MCCC1: variants seen among roughly 807,000 people sequenced by gnomAD.
MCCC1 encodes methylcrotonoyl-CoA carboxylase subunit alpha, mitochondrial.
MCCC1 carries 64 observed loss-of-function variants against 83.8 expected under a neutral mutation model. That is an observed-to-expected ratio of 0.76 (90% CI 0.62 to 0.94). The LOEUF (loss-of-function observed/expected upper bound fraction) is 0.94, where lower values mean the gene tolerates loss of function less well. Ranked by LOEUF, MCCC1 falls within the 40% of genes least tolerant of loss-of-function variation. The probability of loss-of-function intolerance (pLI) is 0.00; values close to 1 mark genes in which losing one functional copy is unlikely to be tolerated. For missense variants in MCCC1, 807 were observed against 904.7 expected, an observed-to-expected ratio of 0.89 and a Z score of 1.39; for synonymous variants, 322 against 315.4, an observed-to-expected ratio of 1.02 and a Z score of -0.22.
At chr3:183,024,221 GC>G (rs1712395866) in intron 15 of MCCC1, among the ~76,000 whole-genome samples, 1 of 151,994 alleles carries the variant, frequency 6.6e-6, no homozygotes, top group Non-Finnish European at 1.5e-5. Context: ...TTGCACTCCA[GC>G]CTGGGTGACA....
At chr3:183,050,603 G>T (rs1392609831) in intron 9 of MCCC1, among the ~76,000 whole-genome samples, 1 of 151,614 alleles carries the variant, frequency 6.6e-6, no homozygotes, top group Non-Finnish European at 1.5e-5. Context: ...CTACTCAGGG[G>T]GCTGGGACAG....
chr3:183,077,440 T>C (rs1004621554), intron 4 of MCCC1, among the ~76,000 whole-genome samples: 4 of 152,196 alleles, frequency 2.6e-5, no homozygotes, highest in Admixed American at 6.5e-5. Context: ...CTAGTGAGTA[T>C]GAAGTGGTAT....
chr3:183,054,656 C>G (rs4859269), intron 8 of MCCC1, among the ~76,000 whole-genome samples: 136,329 of 152,228 alleles, frequency 0.9, 61,429 homozygotes, highest in East Asian at 1. Flanking sequence ...TTAATTGGCT[C>G]TAAGTATACA....
intron 8 of MCCC1, among the ~76,000 whole-genome samples, chr3:183,055,589 AT>A (rs746493228): frequency 5.5e-4 from 83 of 152,076 alleles, no homozygotes; most frequent in Non-Finnish European, 1.0e-3. Context: ...TCATAACTAT[AT>A]GTCCACTTAT....
Position 183,094,556 on chromosome 3 carries a change from T to C in MCCC1, c.136+3A>G. The C allele has an allele frequency of 6.2e-7, 1 of 1,614,144 alleles. No homozygotes were observed. Among genetic ancestry groups the C allele is most frequent in the Non-Finnish European group, 8.5e-7 (1 of 1,179,966 alleles). On this transcript the variant is annotated splice_donor_region_variant and intron_variant, in intron 2 of 18. Coordinates refer to ENST00000265594, the MANE Select transcript of MCCC1 (RefSeq NM_020166.5). ...CAAATAGAACAACAAAGTCTGTCAG[T>C]ACCTGTGGCTGTTGTGTACTTCATG... is the stretch of plus-strand genomic sequence containing the variant.
intron 7 of MCCC1, 78 bp downstream of exon 7, chr3:183,070,921 A>G (rs1008448320): frequency 1.2e-5 from 18 of 1,470,062 alleles, no homozygotes; most frequent in Non-Finnish European, 1.6e-5. Context: ...CTACAGTTTT[A>G]TATTTTATAG....
chr3:183,081,117 A>G (rs1717460609), intron 4 of MCCC1, among the ~76,000 whole-genome samples: 2 of 152,260 alleles, frequency 1.3e-5, no homozygotes, highest in African/African-American at 2.4e-5. Flanking sequence ...AACAGCCTTA[A>G]GAAGTTTAAC....
At chr3:183,102,232 G>A (rs796717642), upstream of MCCC1, among the ~76,000 whole-genome samples, 35 of 152,194 alleles carry the variant, frequency 2.3e-4, no homozygotes, top group African/African-American at 7.7e-4. Flanking sequence ...TGGGCGTAAT[G>A]ATGCACACTT....
intron 1 of MCCC1, among the ~76,000 whole-genome samples, chr3:183,110,895 A>C (rs1355154498): frequency 6.6e-6 from 1 of 152,074 alleles, no homozygotes; most frequent in East Asian, 1.9e-4. Context: ...TTGAATAGGG[A>C]GTCCTTTCCC....
At chr3:183,065,551 A>C (rs1344409155) in intron 7 of MCCC1, among the ~76,000 whole-genome samples, 1 of 152,090 alleles carries the variant, frequency 6.6e-6, no homozygotes. Context: ...AAGGAAAGTG[A>C]AATGCGTTTT....
intron 1 of MCCC1, among the ~76,000 whole-genome samples, chr3:183,112,794 G>C (rs538986259): frequency 2.6e-5 from 4 of 152,138 alleles, no homozygotes; most frequent in African/African-American, 7.2e-5. Context: ...TCCTTTGAAG[G>C]CTGGGCGCAT....
At chr3:183,040,556 CA>C (rs59767617) in intron 11 of MCCC1, among the ~76,000 whole-genome samples, 128 of 112,578 alleles carry the variant, frequency 1.1e-3, no homozygotes, top group Middle Eastern at 4.8e-3. Flanking sequence ...ACTAAAAATA[CA>C]AAAAAAAAAA....
chr3:183,113,340 TCTCA>T (rs2108588169), intron 1 of MCCC1, among the ~76,000 whole-genome samples: 1 of 144,008 alleles, frequency 6.9e-6, no homozygotes, highest in Non-Finnish European at 1.5e-5. Flanking sequence ...ACACCGCTGT[TCTCA>T]CTGATAGGTG....
intron 7 of MCCC1, among the ~76,000 whole-genome samples, chr3:183,062,319 G>C (rs1017077483): frequency 6.6e-6 from 1 of 151,186 alleles, no homozygotes; most frequent in Non-Finnish European, 1.5e-5. Flanking sequence ...CAAGAGCACA[G>C]AGCAATTCTT....
chr3:183,114,149 G>C (rs970135900), intron 1 of MCCC1, among the ~76,000 whole-genome samples: 3 of 152,152 alleles, frequency 2.0e-5, no homozygotes, highest in African/African-American at 7.2e-5. Context: ...CCAAGAATTC[G>C]TCTGATTGAT....
intron 12 of MCCC1, among the ~76,000 whole-genome samples, chr3:183,038,733 C>T (rs1239786202): frequency 2.0e-5 from 3 of 152,306 alleles, no homozygotes; most frequent in South Asian, 2.1e-4. Flanking sequence ...AAAAAACCTA[C>T]GAAGGTACCA....
intron 15 of MCCC1, among the ~76,000 whole-genome samples, chr3:183,023,014 A>T (rs1375652837): frequency 1.3e-5 from 2 of 152,246 alleles, no homozygotes; most frequent in Admixed American, 6.5e-5. Context: ...ATTAGATGAT[A>T]TTCTTTTATC....
rs564281680 is a variant in MCCC1, at chr3:183,055,186, G to A, written c.873+2125C>T. Among the ~76,000 whole-genome samples, 4 of 151,454 alleles carry A rather than the reference G, an allele frequency of 2.6e-5. No individual in the cohort carries two copies. In the South Asian group the frequency reaches 6.3e-4, roughly 24 times the overall value. ...TGGGAGGCTGAGGCGGGTGGATCAC[G>A]AGGTCAGGAGTTCAATATCAGCCTG... is the stretch of plus-strand genomic sequence containing the variant. On this transcript the variant is annotated intron_variant, in intron 8 of 18. Coordinates refer to ENST00000265594, the MANE Select transcript of MCCC1 (RefSeq NM_020166.5).
chr3:183,040,585 T>C (rs1306293035), intron 11 of MCCC1, among the ~76,000 whole-genome samples: 1 of 141,918 alleles, frequency 7.0e-6, no homozygotes, highest in Admixed American at 7.2e-5. Flanking sequence ...TAGCTAGGCA[T>C]GGTGGTATAC....
Sources: gnomAD v4.1 joint callset for allele counts (sites outside exome capture counted in the v4.1 genomes callset) on GRCh38, gnomAD v4.1.1 for gene constraint, MANE v1.5 for transcripts, NCBI Gene and HGNC (gene_info 2026-07-23, HGNC 2026-07-21) for gene names.